STX19: variants seen among roughly 807,000 people sequenced by gnomAD.
STX19 encodes syntaxin-19.
STX19 carries 26 observed loss-of-function variants against 24.3 expected under a neutral mutation model. That is an observed-to-expected ratio of 1.07 (90% CI 0.78 to 1.48). The LOEUF (loss-of-function observed/expected upper bound fraction) is 1.48, where lower values mean the gene tolerates loss of function less well. Among genes scored for constraint, STX19 ranks in the 40% most tolerant of loss-of-function variants. The pLI is 0.00. For synonymous variants in STX19, 116 were observed against 106.9 expected, an observed-to-expected ratio of 1.09 and a Z score of -0.52; for missense variants, 367 against 331.9, an observed-to-expected ratio of 1.11 and a Z score of -0.82.
chr3:94,019,585 C>T (rs1211220973), intron 1 of STX19, among the ~76,000 whole-genome samples: 1 of 151,162 alleles, frequency 6.6e-6, no homozygotes, highest in African/African-American at 2.4e-5. Context: ...CCCCATCCTG[C>T]CCCCACCACA....
At chr3:94,018,541 C>T (rs182898425) in intron 1 of STX19, among the ~76,000 whole-genome samples, 1 of 152,110 alleles carries the variant, frequency 6.6e-6, no homozygotes, top group African/African-American at 2.4e-5. Context: ...CATTTTTATC[C>T]ATCATCATTT....
In STX19 at chr3:94,025,513, A is replaced by G. The variant is rs568724866; in HGVS notation, c.-14+2854T>C. ...AGGTTATTTCTAGTTTCTTAGGAGT[A>G]AATTCCTATGTTTGCTGTGGCCACG... On this transcript the variant is annotated intron_variant, in intron 1 of 1. Transcript: ENST00000315099. Among the ~76,000 whole-genome samples the G allele has an allele frequency of 3.9e-5, 6 of 152,338 alleles. No homozygotes were observed. The South Asian group carries it at 1.2e-3, about 32-fold the overall frequency.
At chr3:94,021,876 T>C (rs1008594921) in intron 1 of STX19, among the ~76,000 whole-genome samples, 2 of 152,170 alleles carry the variant, frequency 1.3e-5, no homozygotes, top group African/African-American at 2.4e-5. Flanking sequence ...AAATAAGCTT[T>C]TTAAAAATGT....
rs192583731 is a variant in STX19, at chr3:94,019,898, C to T, written c.-13-4616G>A. 2.0e-5 allele frequency among the ~76,000 whole-genome samples: 3 copies of T among 152,276 alleles called. No individual in the cohort carries two copies. In the East Asian group the frequency reaches 5.8e-4, roughly 30 times the overall value. Reference sequence around the variant, plus strand: ...GTGTTCTTTCCCATGTAGTATGTGACGTTTTTCCCCAACCCAGTCCTTACT... The same window carrying T: ...GTGTTCTTTCCCATGTAGTATGTGATGTTTTTCCCCAACCCAGTCCTTACT... On this transcript the variant is annotated intron_variant, in intron 1 of 1. Transcript: ENST00000315099.
chr3:94,017,793 T>A (rs2076363010), intron 1 of STX19, among the ~76,000 whole-genome samples: 1 of 152,056 alleles, frequency 6.6e-6, no homozygotes, highest in Non-Finnish European at 1.5e-5. Context: ...GTATTGTAGG[T>A]CTAGGAGTTG....
chr3:94,016,319 A>T (rs925391847), intron 1 of STX19, among the ~76,000 whole-genome samples: 3 of 152,138 alleles, frequency 2.0e-5, no homozygotes, highest in Non-Finnish European at 1.5e-5. Flanking sequence ...TCTGAATGTG[A>T]TGCTGTTATG....
intron 1 of STX19, among the ~76,000 whole-genome samples, chr3:94,022,836 A>G (rs975389042): frequency 1.2e-4 from 18 of 152,124 alleles, no homozygotes; most frequent in African/African-American, 4.3e-4. Context: ...ATAACATTTA[A>G]TTTTAAGAAA....
At chr3:94,024,762 A>T (rs939400666) in intron 1 of STX19, among the ~76,000 whole-genome samples, 15 of 151,900 alleles carry the variant, frequency 9.9e-5, no homozygotes. Flanking sequence ...ATTTTTTAAA[A>T]TTTTTTGTAA....
chr3:94,023,706 C>A (rs2076497563), intron 1 of STX19, among the ~76,000 whole-genome samples: 1 of 152,056 alleles, frequency 6.6e-6, no homozygotes, highest in Non-Finnish European at 1.5e-5. Flanking sequence ...CAAATCTGTT[C>A]TTTTTCCCCT....
intron 1 of STX19, among the ~76,000 whole-genome samples, chr3:94,022,818 A>G (rs1223802678): frequency 6.6e-6 from 1 of 152,142 alleles, no homozygotes; most frequent in African/African-American, 2.4e-5. Context: ...ACATAGATCA[A>G]GAAACATATA....
chr3:94,028,128 T>A (rs1485134645), intron 1 of STX19, among the ~76,000 whole-genome samples: 3 of 152,188 alleles, frequency 2.0e-5, no homozygotes, highest in Non-Finnish European at 4.4e-5. Flanking sequence ...AAAAATTTTT[T>A]CTTTCCTCTA....
At chr3:94,024,711 G>A (rs913162280) in intron 1 of STX19, among the ~76,000 whole-genome samples, 3 of 151,880 alleles carry the variant, frequency 2.0e-5, no homozygotes, top group African/African-American at 4.8e-5. Context: ...TCAGCCTCCC[G>A]AGTAGCTGGG....
chr3:94,025,386 G>A (rs1353187140), intron 1 of STX19, among the ~76,000 whole-genome samples: 2 of 152,122 alleles, frequency 1.3e-5, no homozygotes, highest in East Asian at 3.8e-4. Flanking sequence ...TTTAAAGTGA[G>A]CTATAAAGGT....
Position 94,014,622 on chromosome 3 carries a change from G to C in STX19, c.648C>G (p.His216Gln). The C allele has an allele frequency of 6.2e-7, 1 of 1,613,424 alleles. No individual in the cohort carries two copies. Among genetic ancestry groups the C allele is most frequent in the Non-Finnish European group, 8.5e-7 (1 of 1,179,940 alleles). ...GGTTCTCCAAATTAACAAGTTCCTTGTGTCTCTGTTCAATCTCTGAAAGTT... is the reference window on the plus strand; with the variant it reads ...GGTTCTCCAAATTAACAAGTTCCTTCTGTCTCTGTTCAATCTCTGAAAGTT... ...KAQLSEIEQR[H>Q]KELVNLENQI... Residue 216 changes from histidine to glutamine, a missense_variant, in exon 2 of 2, where the codon CAC (histidine) becomes CAG (glutamine). Transcript: ENST00000315099.
At chr3:94,018,637 A>G (rs1405304334) in intron 1 of STX19, among the ~76,000 whole-genome samples, 1 of 152,104 alleles carries the variant, frequency 6.6e-6, no homozygotes. Context: ...AAAACTGCCT[A>G]CCTGACAGCT....
intron 1 of STX19, among the ~76,000 whole-genome samples, chr3:94,017,106 G>A (rs1011292704): frequency 5.3e-5 from 8 of 152,320 alleles, no homozygotes; most frequent in African/African-American, 1.9e-4. Flanking sequence ...TGAGATGGAA[G>A]TTCTTAAGTT....
chr3:94,018,307 A>G lies in STX19; in HGVS notation c.-13-3025T>C, dbSNP rs1459557725. 7.9e-5 allele frequency among the ~76,000 whole-genome samples: 12 copies of G among 151,482 alleles called. No homozygotes were observed. In the East Asian group the frequency reaches 2.3e-3, roughly 30 times the overall value. ...GACTTTAATGATAGAGATGGAGTAA[A>G]TGGGAACCATCAGGATATATTTTTG... is the stretch of plus-strand genomic sequence containing the variant. On this transcript the variant is annotated intron_variant, in intron 1 of 1. Coordinates refer to ENST00000315099, the MANE Select transcript of STX19 (RefSeq NM_001001850.3).
chr3:94,025,056 T>C (rs997857396), intron 1 of STX19, among the ~76,000 whole-genome samples: 1 of 152,210 alleles, frequency 6.6e-6, no homozygotes, highest in African/African-American at 2.4e-5. Flanking sequence ...AGGTGCATTT[T>C]ACTGCCACTG....
chr3:94,025,850 C>T (rs2076544913), intron 1 of STX19, among the ~76,000 whole-genome samples: 1 of 152,110 alleles, frequency 6.6e-6, no homozygotes, highest in Non-Finnish European at 1.5e-5. Flanking sequence ...TTGTATTATT[C>T]CTAGTTAACT....
Sources: allele counts gnomAD v4.1 joint callset (sites outside exome capture counted in the v4.1 genomes callset), GRCh38; gene constraint gnomAD v4.1.1; transcripts MANE v1.5; gene names NCBI Gene and HGNC (gene_info 2026-07-23, HGNC 2026-07-21).